DOP1B: variants seen among roughly 807,000 people sequenced by gnomAD.
The protein encoded by DOP1B is DOP1 leucine zipper like protein B.
In DOP1B, 174 loss-of-function variants were observed where a neutral mutation model predicts 233.5. That is an observed-to-expected ratio of 0.75 (90% CI 0.66 to 0.85). The LOEUF is 0.85. Among genes scored for constraint, DOP1B ranks in the 40% least tolerant of loss-of-function variants. DOP1B has a pLI of 0.00. For synonymous variants in DOP1B, 1,190 were observed against 1,185.6 expected, an observed-to-expected ratio of 1.00 and a Z score of -0.08; for missense variants, 2,652 against 2,846.6, an observed-to-expected ratio of 0.93 and a Z score of 1.56.
At chr21:36,237,172 T>C (rs2123564873) in intron 15 of DOP1B, 90 bp from the exon 16 acceptor site, 2 of 1,534,016 alleles carry the variant, frequency 1.3e-6, no homozygotes, top group East Asian at 4.5e-5. Flanking sequence ...AGATCCAGTA[T>C]GTCGGGGCTG....
intron 4 of DOP1B, among the ~76,000 whole-genome samples, chr21:36,203,889 T>C (rs63390760): frequency 6.6e-6 from 1 of 151,458 alleles, no homozygotes; most frequent in Non-Finnish European, 1.5e-5. Flanking sequence ...TTTTTTTTTT[T>C]AAGTGCCCAT....
intron 35 of DOP1B, among the ~76,000 whole-genome samples, chr21:36,289,748 C>T (rs1302099131): frequency 1.3e-5 from 2 of 152,048 alleles, no homozygotes; most frequent in Admixed American, 6.6e-5. Context: ...GGTTAAAGAG[C>T]GGGTTCTCTT....
chr21:36,268,312 G>A (rs903627590), intron 26 of DOP1B, among the ~76,000 whole-genome samples: 3 of 152,130 alleles, frequency 2.0e-5, no homozygotes, highest in Admixed American at 6.6e-5. Context: ...CTACTTGCAC[G>A]TCTGTTTATA....
intron 26 of DOP1B, among the ~76,000 whole-genome samples, chr21:36,266,111 G>C (rs897194025): frequency 6.6e-6 from 1 of 152,162 alleles, no homozygotes; most frequent in Admixed American, 6.5e-5. Flanking sequence ...CCCACCCCTT[G>C]GGTTCTGTTA....
In DOP1B at chr21:36,289,109, G is replaced by A. The variant is rs1227581545; in HGVS notation, c.6418G>A (p.Glu2140Lys). ...VPDANGPSVG[E>K]IPQSELILYL... The stretch of plus-strand genomic sequence containing the variant: ...GGATGCAAATGGACCCTCAGTGGGG[G>A]AGATACCCCAGAGTGAACTCATCTT... The change falls in exon 35 of 37, where the codon GAG becomes AAG. Residue 2140 changes from glutamate (E) to lysine (K), a missense_variant. Physicochemically the swap from Glu to Lys is moderately conservative, Grantham distance 56. Around this residue, in one of 3 missense-constraint regions of DOP1B, gnomAD observed 2,617 missense variants for 2,794.3 expected, o/e 0.94. Coordinates refer to ENST00000691173, the MANE Select transcript of DOP1B (RefSeq NM_001320714.2). 6.2e-7 allele frequency: 1 copy of A among 1,613,896 alleles called. No homozygotes were observed. The highest frequency in any genetic ancestry group is 1.3e-5 in the African/African-American group (1 of 74,926).
chr21:36,208,036 G>A (rs1030589508), intron 4 of DOP1B, among the ~76,000 whole-genome samples: 7 of 152,162 alleles, frequency 4.6e-5, no homozygotes, highest in Admixed American at 2.6e-4. Context: ...TTTGTATCAC[G>A]GGAGACCTAG....
At chr21:36,242,363 G>A (rs937071485) in intron 18 of DOP1B, among the ~76,000 whole-genome samples, 13 of 151,888 alleles carry the variant, frequency 8.6e-5, no homozygotes, top group African/African-American at 2.7e-4. Flanking sequence ...TAGTGGAGAC[G>A]GGGTTTCACC....
At position 36,231,077 on chromosome 21, in the gene DOP1B, G is replaced by A. The variant is rs761280703; in HGVS notation, c.2293G>A (p.Val765Ile). The stretch of plus-strand genomic sequence containing the variant: ...GCTGCTGGATTGTGCCACTTTCCCT[G>A]TCTACCTGTCCGAGGAAGAGACCGA... ...HLLLDCATFPVYLSEEETEQL... is the reference protein window; with the variant it reads ...HLLLDCATFPIYLSEEETEQL... The change falls in exon 14 of 37, where the codon GTC becomes ATC. Residue 765 changes from valine (V) to isoleucine (I), a missense_variant. Around this residue, in one of 3 missense-constraint regions of DOP1B, gnomAD observed 2,617 missense variants for 2,794.3 expected, o/e 0.94. Transcript: ENST00000691173. The A allele has an allele frequency of 1.2e-6, 2 of 1,613,326 alleles. No homozygotes were observed. The highest frequency in any genetic ancestry group is 1.7e-6 in the Non-Finnish European group (2 of 1,179,728).
At chr21:36,227,656 G>A (rs754938003) in intron 12 of DOP1B, 30 bp from the exon 13 acceptor site, 3 of 1,457,186 alleles carry the variant, frequency 2.1e-6, no homozygotes, top group Non-Finnish European at 1.8e-6. Flanking sequence ...AACCAACATT[G>A]TGGGGTTAAC....
At position 36,265,550 on chromosome 21, in the gene DOP1B, C is replaced by T. The variant is rs138062205; in HGVS notation, c.5487+1736C>T. Reference sequence around the variant, plus strand: ...TGGGATAGCACTTGCTCACCTAAGCCCTCCCTGCTTTCGTGGCCTGTTGCC... The same window carrying T: ...TGGGATAGCACTTGCTCACCTAAGCTCTCCCTGCTTTCGTGGCCTGTTGCC... On this transcript the variant is annotated intron_variant, in intron 26 of 36. Transcript: ENST00000691173. Among the ~76,000 whole-genome samples the T allele has an allele frequency of 4.7e-3, 713 of 152,320 alleles. 4 individuals are homozygous for T. Among genetic ancestry groups the T allele is most frequent in the African/African-American group, 0.016 (669 of 41,574 alleles).
Position 36,288,690 on chromosome 21 carries a change from T to TA in DOP1B, c.6298-57dup, listed in dbSNP as rs560609614. The TA allele has an allele frequency of 2.9e-4, 344 of 1,202,042 alleles. 1 individual carries two copies. The highest frequency in any genetic ancestry group is 4.9e-4 in the South Asian group (36 of 73,348). 74.5% of individuals were successfully genotyped at this position (1,202,042 alleles called of 1,614,324 possible). On this transcript the variant is annotated intron_variant, in intron 33 of 36. Transcript: ENST00000691173. ...AAATTAATCGATTTTTAAAAATAAG[T>TA]AAAAAAAAATATTTGGGTAGATTTA... is the stretch of plus-strand genomic sequence containing the variant.
At chr21:36,265,029 A>G (rs541828649) in intron 26 of DOP1B, among the ~76,000 whole-genome samples, 111 of 152,190 alleles carry the variant, frequency 7.3e-4, no homozygotes, top group Non-Finnish European at 1.4e-3. Context: ...AATCTTTATG[A>G]TCCCTGGCAT....
intron 2 of DOP1B, among the ~76,000 whole-genome samples, chr21:36,189,711 A>G (rs1380505550): frequency 6.7e-6 from 1 of 149,216 alleles, no homozygotes; most frequent in Non-Finnish European, 1.5e-5. Context: ...CTCTGTCTCA[A>G]AAAAAAATGG....
At chr21:36,171,027 C>T (rs933379168) in intron 2 of DOP1B, among the ~76,000 whole-genome samples, 2 of 152,192 alleles carry the variant, frequency 1.3e-5, no homozygotes, top group Non-Finnish European at 2.9e-5. Context: ...GAGCTCACTG[C>T]GTGCTAAGGA....
chr21:36,290,925 G>C (rs940944511), intron 35 of DOP1B, among the ~76,000 whole-genome samples: 1 of 150,980 alleles, frequency 6.6e-6, no homozygotes, highest in Non-Finnish European at 1.5e-5. Context: ...AGCCGACATC[G>C]CACCACTGCA....
chr21:36,274,260 G>A (rs1030387266), intron 27 of DOP1B, among the ~76,000 whole-genome samples: 2 of 152,148 alleles, frequency 1.3e-5, no homozygotes, highest in Non-Finnish European at 2.9e-5. Flanking sequence ...ATTTTGCGCT[G>A]GTTAAGGCAG....
At chr21:36,272,460 G>A (rs2067299310) in intron 27 of DOP1B, among the ~76,000 whole-genome samples, 1 of 150,650 alleles carries the variant, frequency 6.6e-6, no homozygotes, top group Non-Finnish European at 1.5e-5. Context: ...GACTGGCCTG[G>A]CCAACTTGGC....
intron 4 of DOP1B, among the ~76,000 whole-genome samples, chr21:36,204,238 C>G (rs561575035): frequency 6.6e-6 from 1 of 152,182 alleles, no homozygotes; most frequent in Non-Finnish European, 1.5e-5. Context: ...CTTACCTGGT[C>G]CCAGATGTCA....
rs751530923 is a variant in DOP1B, at chr21:36,238,747, T to G, written c.2876+46T>G. The G allele has an allele frequency of 1.9e-6, 3 of 1,588,018 alleles. No homozygotes were observed. In the South Asian group the frequency reaches 3.3e-5, roughly 18 times the overall value. On this transcript the variant is annotated intron_variant, in intron 17 of 36. Coordinates refer to ENST00000691173, the MANE Select transcript of DOP1B (RefSeq NM_001320714.2). ...ATCTACCGTTAACTCACGAGGAAAC[T>G]CCACAGAGGTGCCTGCCCAACGTGT... is the stretch of plus-strand genomic sequence containing the variant.
Sources: gnomAD v4.1 joint callset for allele counts (sites outside exome capture counted in the v4.1 genomes callset) on GRCh38, gnomAD v4.1.1 for gene constraint, gnomAD v4.1.1 regional missense constraint, MANE v1.5 for transcripts, NCBI Gene and HGNC (gene_info 2026-07-23, HGNC 2026-07-21) for gene names.